The following ADAMTS15 variants were observed in gnomAD, a reference collection of about 807,000 sequenced individuals.
ADAMTS15 encodes ADAM metallopeptidase with thrombospondin type 1 motif 15.
In ADAMTS15, 35 loss-of-function variants were observed where a neutral mutation model predicts 79.1. That is an observed-to-expected ratio of 0.44 (90% CI 0.34 to 0.59). The LOEUF is 0.59. Ranked by LOEUF, ADAMTS15 falls within the 20% of genes least tolerant of loss-of-function variation. ADAMTS15 has a pLI of 0.02. For synonymous variants in ADAMTS15, 616 were observed against 567.3 expected (o/e 1.09, Z -1.22); for missense variants, 1,324 against 1,318.7 (o/e 1.00, Z -0.06).
Position 130,470,182 on chromosome 11 carries a change from GTGTGTATATATATATATATATATATA to G in ADAMTS15, c.1721-734_1721-709del, listed in dbSNP as rs1938414610. ...TATATATATATATATATATATATAT[GTGTGTATATATATATATATATATATA>G]TGTATATATATATATATTTTCTGAG... On this transcript the variant is annotated intron_variant, in intron 5 of 7. Coordinates refer to ENST00000299164, the MANE Select transcript of ADAMTS15 (RefSeq NM_139055.4). Among the ~76,000 whole-genome samples, 22 of 72,742 alleles carry G rather than the reference GTGTGTATATATATATATATATATATA, an allele frequency of 3.0e-4. 3 individuals are homozygous for G. Among genetic ancestry groups the G allele is most frequent in the South Asian group, 4.1e-4 (1 of 2,462 alleles). 47.7% of individuals were successfully genotyped at this position (72,742 alleles called of 152,430 possible).
rs563136597 is a variant in ADAMTS15, at chr11:130,475,505, G to A, written c.*1684G>A. 6.6e-6 allele frequency: 1 copy of A among 152,376 alleles called. No homozygotes were observed. The highest frequency in any genetic ancestry group is 2.1e-4 in the South Asian group (1 of 4,828). The allele number at this position is 152,376 out of a possible 1,614,324, so 9.4% of individuals were successfully genotyped here. A position where few individuals can be genotyped will look rare whatever the true frequency, so the allele number is the denominator to read the frequency against. Reference sequence around the variant, plus strand: ...TTCTGGAGCTAAGATCAAAGCATGTGTCTTCCTGGGAGAGAAGAGTTCCGT... The same window carrying A: ...TTCTGGAGCTAAGATCAAAGCATGTATCTTCCTGGGAGAGAAGAGTTCCGT... On this transcript the variant is annotated 3_prime_UTR_variant, in exon 8 of 8. Coordinates refer to ENST00000299164, the MANE Select transcript of ADAMTS15 (RefSeq NM_139055.4).
At chr11:130,460,253 T>G (rs1376805741) in intron 1 of ADAMTS15, among the ~76,000 whole-genome samples, 2 of 151,422 alleles carry the variant, frequency 1.3e-5, no homozygotes, top group Middle Eastern at 3.2e-3. Context: ...AGAACCAGCA[T>G]CACTGATTCA....
At chr11:130,450,692 G>GA (rs1565390391) in intron 1 of ADAMTS15, among the ~76,000 whole-genome samples, 1 of 152,170 alleles carries the variant, frequency 6.6e-6, no homozygotes, top group Non-Finnish European at 1.5e-5. Flanking sequence ...GCTGAGTTGG[G>GA]AAAATCTCTT....
chr11:130,473,431 G>T lies in ADAMTS15; in HGVS notation c.2463G>T (p.Leu821Phe), dbSNP rs1251576554. ...HPKDPRGPSV[L>F]HNSVLSLSNQ... ...AGGACCCCCGGGGACCCTCTGTCTTGCACAACAGCGTCCTCAGCCTCTCCA... is the reference window on the plus strand; with the variant it reads ...AGGACCCCCGGGGACCCTCTGTCTTTCACAACAGCGTCCTCAGCCTCTCCA... Residue 821 changes from leucine (L) to phenylalanine (F), a missense_variant, in exon 8 of 8, where the codon TTG becomes TTT. By Grantham distance (22) the Leu-to-Phe change is conservative. Coordinates refer to ENST00000299164, the MANE Select transcript of ADAMTS15 (RefSeq NM_139055.4). The T allele has an allele frequency of 2.5e-6, 4 of 1,612,672 alleles. No individual in the cohort carries two copies. The highest frequency in any genetic ancestry group is 2.5e-6 in the Non-Finnish European group (3 of 1,179,994).
intron 1 of ADAMTS15, among the ~76,000 whole-genome samples, chr11:130,452,979 CAAAAAA>C (rs139829512): frequency 7.9e-6 from 1 of 126,744 alleles, no homozygotes; most frequent in African/African-American, 2.8e-5. Context: ...GGCTCTGTCT[CAAAAAA>C]AAAAAAAAAA....
chr11:130,471,022 C>T lies in ADAMTS15; in HGVS notation c.1823C>T (p.Ser608Phe), dbSNP rs867034669. The change falls in exon 6 of 8, where the codon TCC (serine) becomes TTC (phenylalanine). Residue 608 changes from serine to phenylalanine, a missense_variant. By Grantham distance (155) the Ser-to-Phe change is radical. Coordinates refer to ENST00000299164, the MANE Select transcript of ADAMTS15 (RefSeq NM_139055.4). ...TLAVAWVPKY[S>F]GVSPRDKCKL... ...GCCGTGGCATGGGTGCCCAAGTACT[C>T]CGGCGTGTCTCCCCGGGACAAGTGC... is the stretch of plus-strand genomic sequence containing the variant. 8.7e-6 allele frequency: 14 copies of T among 1,613,840 alleles called. No homozygotes were observed. In the Middle Eastern group the frequency reaches 2.1e-3, roughly 247 times the overall value.
intron 4 of ADAMTS15, among the ~76,000 whole-genome samples, chr11:130,464,772 GC>G (rs1310342836): frequency 6.6e-6 from 1 of 152,058 alleles, no homozygotes. Flanking sequence ...TTTGAGACCA[GC>G]CTGGGCAACA....
chr11:130,474,308 T>G lies in ADAMTS15; in HGVS notation c.*487T>G. Reference sequence around the variant, plus strand: ...CTTTCCTTTTTGAACTGACATGGACTAAGCAATAAAAGCTGGCTGGGGCTG... The same window carrying G: ...CTTTCCTTTTTGAACTGACATGGACGAAGCAATAAAAGCTGGCTGGGGCTG... On this transcript the variant is annotated 3_prime_UTR_variant, in exon 8 of 8. Transcript: ENST00000299164. 6.4e-6 allele frequency: 1 copy of G among 155,222 alleles called. No homozygotes were observed. Among genetic ancestry groups the G allele is most frequent in the Non-Finnish European group, 1.4e-5 (1 of 70,076 alleles). 9.6% of individuals were successfully genotyped at this position (155,222 alleles called of 1,614,324 possible). A position where few individuals can be genotyped will look rare whatever the true frequency, so the allele number is the denominator to read the frequency against.
At position 130,465,538 on chromosome 11, in the gene ADAMTS15, G is replaced by A. The variant is rs1053394080; in HGVS notation, c.1542+2758G>A. Among the ~76,000 whole-genome samples the A allele has an allele frequency of 7.2e-5, 11 of 152,162 alleles. 1 individual carries two copies. The highest frequency in any genetic ancestry group is 3.9e-4 in the Admixed American group (6 of 15,280). ...CTGACTCCCTTCACAGCAGGTTCCC[G>A]GAAGGAGTTGTACAAGCTTGCTGTC... On this transcript the variant is annotated intron_variant, in intron 4 of 7. Coordinates refer to ENST00000299164, the MANE Select transcript of ADAMTS15 (RefSeq NM_139055.4).
At chr11:130,463,921 T>G (rs1938252888) in intron 4 of ADAMTS15, among the ~76,000 whole-genome samples, 1 of 151,832 alleles carries the variant, frequency 6.6e-6, no homozygotes. Context: ...GGTCAAGAGA[T>G]TAATGATGAT....
At position 130,461,544 on chromosome 11, in the gene ADAMTS15, T is replaced by C; in HGVS notation, c.1013T>C (p.Met338Thr). The change falls in exon 2 of 8, where the codon ATG becomes ACG. Residue 338 changes from methionine to threonine, a missense_variant. Coordinates refer to ENST00000299164, the MANE Select transcript of ADAMTS15 (RefSeq NM_139055.4). The stretch of plus-strand genomic sequence containing the variant: ...CTGGGCATGGCTGATGTGGGTACCA[T>C]GTGTGACCCCAAGAGAAGCTGCTCT... Reference protein sequence around the residue: ...DTLGMADVGTMCDPKRSCSVI... With the variant: ...DTLGMADVGTTCDPKRSCSVI... 1.9e-6 allele frequency: 3 copies of C among 1,614,138 alleles called. No homozygotes were observed. The highest frequency in any genetic ancestry group is 2.2e-5 in the South Asian group (2 of 91,082).
chr11:130,471,691 G>A (rs757257898), intron 7 of ADAMTS15, among the ~76,000 whole-genome samples: 8 of 152,170 alleles, frequency 5.3e-5, no homozygotes, highest in Non-Finnish European at 7.3e-5. Context: ...GAGTAAGACC[G>A]ACCTGATTCA....
intron 4 of ADAMTS15, among the ~76,000 whole-genome samples, chr11:130,464,029 C>T (rs1029462181): frequency 3.9e-5 from 6 of 152,066 alleles, no homozygotes; most frequent in Non-Finnish European, 8.8e-5. Flanking sequence ...GGCAAGGAGG[C>T]GGGCGGTCCT....
rs996177892 is a variant in ADAMTS15 at position 130,461,973 on chromosome 11, A to T, written c.1091-114A>T. 6.2e-5 allele frequency: 77 copies of T among 1,249,350 alleles called. No homozygotes were observed. In the Middle Eastern group the frequency reaches 1.4e-3, roughly 22 times the overall value. The allele number at this position is 1,249,350 out of a possible 1,614,324, so 77.4% of individuals were successfully genotyped here. A position where few individuals can be genotyped will look rare whatever the true frequency, so the allele number is the denominator to read the frequency against. ...TGAAAGCAGTCTGTCGATAGTTGGCAATGACCAGCCTGAAAACCTCTGACA... is the reference window on the plus strand; with the variant it reads ...TGAAAGCAGTCTGTCGATAGTTGGCTATGACCAGCCTGAAAACCTCTGACA... On this transcript the variant is annotated intron_variant, in intron 2 of 7. Transcript: ENST00000299164.
Position 130,449,457 on chromosome 11 carries a change from G to T in ADAMTS15, c.484G>T (p.Val162Phe). 6.3e-7 allele frequency: 1 copy of T among 1,576,824 alleles called. No individual in the cohort carries two copies. The highest frequency in any genetic ancestry group is 8.6e-7 in the Non-Finnish European group (1 of 1,165,268). ...CGCACACCTTCTCCAGCGCCGGGGT[G>T]TTCCGGGCGGGCCTTCCGGAGACCC... is the stretch of plus-strand genomic sequence containing the variant. The part of the protein sequence containing the change: ...QGAHLLQRRG[V>F]PGGPSGDPTS... The change falls in exon 1 of 8, where the codon GTT (valine) becomes TTT (phenylalanine). Residue 162 changes from valine to phenylalanine, a missense_variant. Coordinates refer to ENST00000299164, the MANE Select transcript of ADAMTS15 (RefSeq NM_139055.4). This position sits in a 1 kb window ranked among gnomAD's most constrained non-coding sequence, Gnocchi z 7.8.
In ADAMTS15 at chr11:130,476,021, G is replaced by T. The variant is rs1398854065; in HGVS notation, c.*2200G>T. 1 of 152,236 alleles carries T rather than the reference G, an allele frequency of 6.6e-6. No individual in the cohort carries two copies. Among genetic ancestry groups the T allele is most frequent in the African/African-American group, 2.4e-5 (1 of 41,448 alleles). 9.4% of individuals were successfully genotyped at this position (152,236 alleles called of 1,614,324 possible). ...CTCTCTGGCTCCTGACACAAGCCAGGCCTCGGTGCTTTTATCTGTTGTGGT... is the reference window on the plus strand; with the variant it reads ...CTCTCTGGCTCCTGACACAAGCCAGTCCTCGGTGCTTTTATCTGTTGTGGT... On this transcript the variant is annotated 3_prime_UTR_variant, in exon 8 of 8. Coordinates refer to ENST00000299164, the MANE Select transcript of ADAMTS15 (RefSeq NM_139055.4).
At chr11:130,470,152 GTGTATATATATATA>G (rs1938400655) in intron 5 of ADAMTS15, among the ~76,000 whole-genome samples, 1 of 73,764 alleles carries the variant, frequency 1.4e-5, no homozygotes. Flanking sequence ...ATATATATAT[GTGTATATATATATA>G]TATATATATA....
Position 130,474,600 on chromosome 11 carries a change from A to G in ADAMTS15, c.*779A>G, listed in dbSNP as rs7120312. On this transcript the variant is annotated 3_prime_UTR_variant, in exon 8 of 8. Transcript: ENST00000299164. Reference sequence around the variant, plus strand: ...TTCAAGATGGAGCCGGCCATTACAGAAAGATGTTGACATTTGCTAGGGGCT... The same window carrying G: ...TTCAAGATGGAGCCGGCCATTACAGGAAGATGTTGACATTTGCTAGGGGCT... The G allele has an allele frequency of 0.023, 3,545 of 152,414 alleles. 54 individuals are homozygous for G. Among genetic ancestry groups the G allele is most frequent in the Non-Finnish European group, 0.038 (2,572 of 68,144 alleles). The allele number at this position is 152,414 out of a possible 1,614,324, so 9.4% of individuals were successfully genotyped here.
intron 1 of ADAMTS15, among the ~76,000 whole-genome samples, chr11:130,458,689 G>A (rs1206550425): frequency 6.6e-6 from 1 of 152,214 alleles, no homozygotes; most frequent in Non-Finnish European, 1.5e-5. Flanking sequence ...CATCTACTTA[G>A]TGATAGGGCC....
Sources: allele counts gnomAD v4.1 joint callset (sites outside exome capture counted in the v4.1 genomes callset), GRCh38; gene constraint gnomAD v4.1.1; non-coding constraint Gnocchi (gnomAD v3.1); transcripts MANE v1.5; gene names NCBI Gene and HGNC (gene_info 2026-07-23, HGNC 2026-07-21).